Variants in MAP4K4 observed in about 807,000 individuals in gnomAD.
MAP4K4 encodes mitogen-activated protein kinase kinase kinase kinase 4.
In MAP4K4, 38 loss-of-function variants were observed where a neutral mutation model predicts 189.6. That is an observed-to-expected ratio of 0.20 (90% CI 0.15 to 0.26). The LOEUF is 0.26. MAP4K4 is among the 10% of genes least tolerant of loss of function. The pLI is 1.00. For synonymous variants in MAP4K4, 610 were observed against 624.3 expected, an observed-to-expected ratio of 0.98 and a Z score of 0.34; for missense variants, 1,054 against 1,726.9, an observed-to-expected ratio of 0.61 and a Z score of 6.91.
chr2:101,768,845 G>A (rs899292919), intron 2 of MAP4K4, among the ~76,000 whole-genome samples: 2 of 152,280 alleles, frequency 1.3e-5, no homozygotes, highest in Admixed American at 6.5e-5. Context: ...TTAGCAGAAG[G>A]CACAAATGCC....
chr2:101,779,974 C>A lies in MAP4K4; in HGVS notation c.124-10746C>A, dbSNP rs72989333. The stretch of plus-strand genomic sequence containing the variant: ...CAGGAAAGGAATATGTCTTCTAAAC[C>A]GTGCTACTGGCTGCAACACAACAAC... On this transcript the variant is annotated intron_variant, in intron 2 of 32. Coordinates refer to ENST00000324219, the Ensembl canonical transcript of MAP4K4. 2.7e-4 allele frequency among the ~76,000 whole-genome samples: 41 copies of A among 152,184 alleles called. No individual in the cohort carries two copies. The East Asian group carries it at 7.7e-3, about 29-fold the overall frequency.
chr2:101,762,579 G>A (rs922691086), intron 2 of MAP4K4, among the ~76,000 whole-genome samples: 3 of 152,170 alleles, frequency 2.0e-5, no homozygotes, highest in Admixed American at 1.3e-4. Flanking sequence ...GAGGTAAAAC[G>A]GCTAAGTGGC....
chr2:101,764,701 A>G (rs987216077), intron 2 of MAP4K4, among the ~76,000 whole-genome samples: 1 of 152,204 alleles, frequency 6.6e-6, no homozygotes, highest in African/African-American at 2.4e-5. Flanking sequence ...TACTTGAATT[A>G]ATATAAGCCC....
intron 2 of MAP4K4, among the ~76,000 whole-genome samples, chr2:101,757,051 G>A (rs2073239807): frequency 1.3e-5 from 2 of 152,046 alleles, no homozygotes; most frequent in Admixed American, 1.3e-4. Flanking sequence ...GACTTCTAAG[G>A]TCTCATTCAC....
chr2:101,794,960 A>G (rs1200183572), intron 3 of MAP4K4, among the ~76,000 whole-genome samples: 1 of 152,110 alleles, frequency 6.6e-6, no homozygotes, highest in African/African-American at 2.4e-5. Context: ...TAGACTGGAA[A>G]TATGTTGAGA....
intron 2 of MAP4K4, among the ~76,000 whole-genome samples, chr2:101,733,146 C>G (rs1036910555): frequency 2.0e-5 from 3 of 152,220 alleles, no homozygotes; most frequent in Admixed American, 2.0e-4. Context: ...CCAGATTGCT[C>G]TGCCCTGGCC....
At chr2:101,859,933 C>T in intron 15 of MAP4K4, 69 bp downstream of exon 15, 1 of 1,412,654 alleles carries the variant, frequency 7.1e-7, no homozygotes, top group African/African-American at 1.4e-5. Context: ...AGAACTGTGT[C>T]ATATGAGTTC....
At chr2:101,781,993 A>G (rs1034282756) in intron 2 of MAP4K4, among the ~76,000 whole-genome samples, 2 of 152,224 alleles carry the variant, frequency 1.3e-5, no homozygotes, top group Non-Finnish European at 2.9e-5. Context: ...TGTTGGAGTC[A>G]GAATATTACT....
chr2:101,820,814 G>A (rs772424207), intron 3 of MAP4K4, among the ~76,000 whole-genome samples: 6 of 152,170 alleles, frequency 3.9e-5, no homozygotes, highest in East Asian at 3.8e-4. Context: ...GAGCAGGCTC[G>A]ATGTGCCCCA....
At chr2:101,869,597 C>G (rs370516320) in intron 21 of MAP4K4, 25 bp from the exon 22 acceptor site, 6 of 1,592,434 alleles carry the variant, frequency 3.8e-6, no homozygotes, top group Admixed American at 3.4e-5. Flanking sequence ...TTGCCTTACT[C>G]TCTCTTTTCT....
rs1485735625 is a variant in MAP4K4, at chr2:101,702,607, A to G, written c.123+4069A>G. 2.0e-5 allele frequency among the ~76,000 whole-genome samples: 3 copies of G among 152,208 alleles called. No individual in the cohort carries two copies. The East Asian group carries it at 5.8e-4, about 29-fold the overall frequency. The stretch of plus-strand genomic sequence containing the variant: ...AGAAAAGAAGATTGCCAGCCTGAGG[A>G]CAATTCTGAGTCTTGGAAGGACTGA... On this transcript the variant is annotated intron_variant, in intron 2 of 32. Transcript: ENST00000324219.
intron 15 of MAP4K4, 93 bp from the exon 16 acceptor site, chr2:101,860,732 T>TACC: frequency 9.0e-7 from 1 of 1,108,178 alleles, no homozygotes; most frequent in East Asian, 2.6e-5. Flanking sequence ...ACAGAAAACT[T>TACC]ACCTTTAGAT....
chr2:101,779,203 G>A lies in MAP4K4; in HGVS notation c.124-11517G>A, dbSNP rs117163899. ...GAGAGGAGGTTTGTTTATTGATAGG[G>A]AGGAGGAGGAGGAGAGGAGGATGCT... On this transcript the variant is annotated intron_variant, in intron 2 of 32. Coordinates refer to ENST00000324219, the Ensembl canonical transcript of MAP4K4. Among the ~76,000 whole-genome samples, 1,051 of 152,096 alleles carry A rather than the reference G, an allele frequency of 6.9e-3. 51 individuals are homozygous for A. In the East Asian group the frequency reaches 0.12, roughly 18 times the overall value.
At chr2:101,838,176 A>G (rs1468167480) in intron 9 of MAP4K4, among the ~76,000 whole-genome samples, 3 of 152,222 alleles carry the variant, frequency 2.0e-5, no homozygotes, top group African/African-American at 4.8e-5. Context: ...TGTGGACACA[A>G]TGCTTAGGAA....
chr2:101,704,370 A>G (rs2040761813), intron 2 of MAP4K4, among the ~76,000 whole-genome samples: 2 of 151,878 alleles, frequency 1.3e-5, no homozygotes, highest in African/African-American at 4.8e-5. Context: ...TCAAACATCA[A>G]AAGCTCTACA....
chr2:101,699,603 TGGG>T (rs911219029), intron 2 of MAP4K4, among the ~76,000 whole-genome samples: 3 of 152,014 alleles, frequency 2.0e-5, no homozygotes, highest in East Asian at 1.9e-4. Context: ...TGGGTGGAGT[TGGG>T]GGGGTTGGAA....
intron 2 of MAP4K4, among the ~76,000 whole-genome samples, chr2:101,729,114 G>GTGTGTGTGTGTA (rs2057195093): frequency 6.6e-6 from 1 of 151,816 alleles, no homozygotes; most frequent in Non-Finnish European, 1.5e-5. Flanking sequence ...GTGTGTGTGT[G>GTGTGTGTGTGTA]TGTGTGTGTG....
At chr2:101,853,176 C>T (rs2097341310) in intron 12 of MAP4K4, among the ~76,000 whole-genome samples, 1 of 152,088 alleles carries the variant, frequency 6.6e-6, no homozygotes, top group African/African-American at 2.4e-5. Context: ...TCTATACAGT[C>T]CTTATAGTTT....
chr2:101,833,268 T>C (rs1414177533), intron 7 of MAP4K4, among the ~76,000 whole-genome samples: 1 of 152,246 alleles, frequency 6.6e-6, no homozygotes, highest in African/African-American at 2.4e-5. Context: ...AAATACATAG[T>C]AATGATAATA....
Sources: gnomAD v4.1 joint callset for allele counts (sites outside exome capture counted in the v4.1 genomes callset) on GRCh38, gnomAD v4.1.1 for gene constraint, MANE v1.5 for transcripts, NCBI Gene and HGNC (gene_info 2026-07-23, HGNC 2026-07-21) for gene names.